Variants in ZDHHC8 observed in about 807,000 individuals in gnomAD.
The protein encoded by ZDHHC8 is palmitoyltransferase ZDHHC8.
In ZDHHC8, 24 loss-of-function variants were observed where a neutral mutation model predicts 61.2. The ratio of observed to expected loss-of-function variants is 0.39; its 90% CI spans 0.28 to 0.55. ZDHHC8 has a LOEUF of 0.55. ZDHHC8 is among the 20% of genes least tolerant of loss of function. The probability of loss-of-function intolerance (pLI) is 0.60; values close to 1 mark genes in which losing one functional copy is unlikely to be tolerated. For missense variants in ZDHHC8, 935 were observed against 1,102.1 expected (o/e 0.85, Z 2.15); for synonymous variants, 523 against 492.5 (o/e 1.06, Z -0.82).
Position 20,146,298 on chromosome 22 carries a change from G to T in ZDHHC8, c.*898G>T. The T allele has an allele frequency of 1.0e-6, 1 of 985,622 alleles. No homozygotes were observed. The highest frequency in any genetic ancestry group is 1.2e-6 in the Non-Finnish European group (1 of 829,940). The allele number at this position is 985,622 out of a possible 1,614,324, so 61.1% of individuals were successfully genotyped here. ...GCCCCGGCCTGGCTGCGGTGCTCGCGCCGTGGGAAAGCACACTGGGGAGGG... is the reference window on the plus strand; with the variant it reads ...GCCCCGGCCTGGCTGCGGTGCTCGCTCCGTGGGAAAGCACACTGGGGAGGG... On this transcript the variant is annotated 3_prime_UTR_variant, in exon 11 of 11. Transcript: ENST00000334554.
Position 20,143,495 on chromosome 22 carries a change from C to T in ZDHHC8, c.1865C>T (p.Pro622Leu), listed in dbSNP as rs199703022. ...AGPGFGGARN[P>L]ALQTSLSSLS... ...CCCGGCTTCGGTGGCGCCCGCAACC[C>T]TGCCCTGCAGACGTCACTGTCCTCG... The change falls in exon 10 of 11, where the codon CCT (proline) becomes CTT (leucine). Residue 622 changes from proline (P) to leucine (L), a missense_variant. Around this residue, in one of 3 missense-constraint regions of ZDHHC8, gnomAD observed 692 missense variants for 731.4 expected, o/e 0.95. Coordinates refer to ENST00000334554, the MANE Select transcript of ZDHHC8 (RefSeq NM_013373.4). 2.7e-5 allele frequency: 43 copies of T among 1,600,970 alleles called. No homozygotes were observed. Among genetic ancestry groups the T allele is most frequent in the African/African-American group, 4.0e-5 (3 of 75,022 alleles).
At position 20,145,346 on chromosome 22, in the gene ZDHHC8, G is replaced by A. The variant is rs575177070; in HGVS notation, c.2244G>A (p.Thr748=). Residue 748 remains threonine, a synonymous_variant, in exon 11 of 11, where the codon ACG becomes ACA. Coordinates refer to ENST00000334554, the MANE Select transcript of ZDHHC8 (RefSeq NM_013373.4). The part of the protein sequence containing the change: ...PGPSASPTRH[T]LVKKVSGVGG... ...CCTCTGCCAGCCCTACACGGCACAC[G>A]CTGGTTAAGAAGGTGTCCGGCGTGG... is the stretch of plus-strand genomic sequence containing the variant. 6 of 1,590,518 alleles carry A rather than the reference G, an allele frequency of 3.8e-6. No individual in the cohort carries two copies. The highest frequency in any genetic ancestry group is 2.7e-5 in the African/African-American group (2 of 73,560).
At position 20,146,001 on chromosome 22, in the gene ZDHHC8, G is replaced by A. The variant is rs2050518948; in HGVS notation, c.*601G>A. On this transcript the variant is annotated 3_prime_UTR_variant, in exon 11 of 11. Transcript: ENST00000334554. ...TGGACAGACGGCCAGCCAGCCAGCT[G>A]TGGCCGGGGGCCCGGCTCCATGTGT... The A allele has an allele frequency of 2.0e-6, 2 of 985,764 alleles. No homozygotes were observed. Among genetic ancestry groups the A allele is most frequent in the South Asian group, 4.7e-5 (1 of 21,300 alleles). The allele number at this position is 985,764 out of a possible 1,614,324, so 61.1% of individuals were successfully genotyped here. A position where few individuals can be genotyped will look rare whatever the true frequency, so the allele number is the denominator to read the frequency against.
intron 1 of ZDHHC8, among the ~76,000 whole-genome samples, chr22:20,136,423 C>T (rs992030925): frequency 3.3e-5 from 5 of 152,338 alleles, no homozygotes; most frequent in East Asian, 3.9e-4. Context: ...TGTGTCCTCC[C>T]GTGTTCTTGC....
chr22:20,146,186 G>T lies in ZDHHC8; in HGVS notation c.*786G>T. ...CACGGGGGTGATGCTGCCACAGGGG[G>T]CTGGTGACACCCAGAGCCCCCTCCC... is the stretch of plus-strand genomic sequence containing the variant. On this transcript the variant is annotated 3_prime_UTR_variant, in exon 11 of 11. Transcript: ENST00000334554. The T allele has an allele frequency of 2.0e-6, 2 of 985,674 alleles. No individual in the cohort carries two copies. The highest frequency in any genetic ancestry group is 2.4e-6 in the Non-Finnish European group (2 of 829,956). The allele number at this position is 985,674 out of a possible 1,614,324, so 61.1% of individuals were successfully genotyped here.
rs909407249 is a variant in ZDHHC8, at chr22:20,142,631, C to T, written c.1126-125C>T. On this transcript the variant is annotated intron_variant, in intron 9 of 10. Transcript: ENST00000334554. Reference sequence around the variant, plus strand: ...GACAGGGCCATGGGTCACTATGTGGCTCTTATGGCTCCTTGAGGCCCAGTT... The same window carrying T: ...GACAGGGCCATGGGTCACTATGTGGTTCTTATGGCTCCTTGAGGCCCAGTT... 30 of 1,277,364 alleles carry T rather than the reference C, an allele frequency of 2.3e-5. No homozygotes were observed. In the South Asian group the frequency reaches 3.4e-4, roughly 14 times the overall value. 79.1% of individuals were successfully genotyped at this position (1,277,364 alleles called of 1,614,324 possible). A position where few individuals can be genotyped will look rare whatever the true frequency, so the allele number is the denominator to read the frequency against.
chr22:20,140,095 C>T lies in ZDHHC8; in HGVS notation c.558-20C>T, dbSNP rs938832850. ...GGGTCTGCGGTGTCCTGGCCTGCAC[C>T]GTTGGCCTTAACGGGCTAGCATGGC... On this transcript the variant is annotated intron_variant, in intron 4 of 10. Transcript: ENST00000334554. The T allele has an allele frequency of 2.0e-5, 32 of 1,612,810 alleles. No individual in the cohort carries two copies. The highest frequency in any genetic ancestry group is 2.5e-5 in the Non-Finnish European group (29 of 1,179,480).
chr22:20,145,276 C>T lies in ZDHHC8; in HGVS notation c.2174C>T (p.Ser725Phe). The change falls in exon 11 of 11, where the codon TCC becomes TTC. Residue 725 changes from serine to phenylalanine, a missense_variant. Physicochemically the swap from Ser to Phe is radical, Grantham distance 155. This residue lies in a region of ZDHHC8 where 692 missense variants were observed against 731.4 expected (regional missense o/e 0.95). Coordinates refer to ENST00000334554, the MANE Select transcript of ZDHHC8 (RefSeq NM_013373.4). ...KTPPSKLNGQ[S>F]PGLARLGPAT... ...CCCCCAAGTAAGCTTAATGGGCAGT[C>T]CCCGGGCCTGGCCCGGCTGGGACCT... 6.4e-7 allele frequency: 1 copy of T among 1,571,844 alleles called. No homozygotes were observed. The highest frequency in any genetic ancestry group is 8.6e-7 in the Non-Finnish European group (1 of 1,160,168).
rs115334883 is a variant in ZDHHC8, at chr22:20,141,823, A to G, written c.1125+293A>G. ...CAGGCTTGGCGTCTGTCCCTTGGCC[A>G]GCATTGCCCTAGGCCAGGTGGGCGG... On this transcript the variant is annotated intron_variant, in intron 9 of 10. Transcript: ENST00000334554. Among the ~76,000 whole-genome samples, 453 of 152,300 alleles carry G rather than the reference A, an allele frequency of 3.0e-3. 3 individuals are homozygous for G. The highest frequency in any genetic ancestry group is 0.011 in the African/African-American group (441 of 41,570).
Position 20,147,002 on chromosome 22 carries a change from C to T in ZDHHC8, c.*1602C>T, listed in dbSNP as rs11705346. On this transcript the variant is annotated 3_prime_UTR_variant, in exon 11 of 11. Coordinates refer to ENST00000334554, the MANE Select transcript of ZDHHC8 (RefSeq NM_013373.4). ...CCTCCACCTTTCTGCTTCTCTCTCA[C>T]GGACGCCGCGGCCCGCAGGGGGCGG... 0.16 allele frequency: 222,904 copies of T among 1,397,598 alleles called. 19,279 individuals are homozygous for T. Among genetic ancestry groups the T allele is most frequent in the Middle Eastern group, 0.18 (722 of 3,948 alleles). 86.6% of individuals were successfully genotyped at this position (1,397,598 alleles called of 1,614,324 possible). A position where few individuals can be genotyped will look rare whatever the true frequency, so the allele number is the denominator to read the frequency against.
chr22:20,132,146 C>A, intron 1 of ZDHHC8, 95 bp downstream of exon 1: 1 of 802,526 alleles, frequency 1.2e-6, no homozygotes. Context: ...GCTGGCGGGG[C>A]CCCGGGCAGT....
chr22:20,142,977 G>T lies in ZDHHC8; in HGVS notation c.1347G>T (p.Gln449His), dbSNP rs763852290. The change falls in exon 10 of 11, where the codon CAG (glutamine) becomes CAT (histidine). Residue 449 changes from glutamine (Q) to histidine (H), a missense_variant. Physicochemically the swap from Gln to His is conservative, Grantham distance 24. Transcript: ENST00000334554. ...GGGGCGGGGATCATGTGGCCCTGCA[G>T]CCCCTGCGCTCTGAGGGGGGGCCCC... ...SRRGGDHVAL[Q>H]PLRSEGGPPT... 11 of 1,604,470 alleles carry T rather than the reference G, an allele frequency of 6.9e-6. No individual in the cohort carries two copies. In the African/African-American group the frequency reaches 1.2e-4, roughly 18 times the overall value.
At position 20,140,656 on chromosome 22, in the gene ZDHHC8, C is replaced by G. The variant is rs1330047106; in HGVS notation, c.700C>G (p.Arg234Gly). ...CCGCGGGGGTGTGAACCCTTTCACC[C>G]GAGGCTGCTGTGGGAATGTGGAGCA... ...KFRGGVNPFT[R>G]GCCGNVEHVL... is the part of the protein sequence containing the mutation. The change falls in exon 6 of 11, where the codon CGA becomes GGA. Residue 234 changes from arginine to glycine, a missense_variant. Arg to Gly is a moderately radical substitution (Grantham distance 125). Transcript: ENST00000334554. The G allele has an allele frequency of 6.2e-7, 1 of 1,611,628 alleles. No homozygotes were observed. The highest frequency in any genetic ancestry group is 1.3e-5 in the African/African-American group (1 of 74,930).
chr22:20,132,634 C>T (rs559092108), intron 1 of ZDHHC8, among the ~76,000 whole-genome samples: 1 of 152,342 alleles, frequency 6.6e-6, no homozygotes, highest in East Asian at 1.9e-4. Flanking sequence ...CCAGGCCAGG[C>T]CACACCCAGG....
In ZDHHC8 at chr22:20,141,327, A is replaced by C. The variant is rs772945335; in HGVS notation, c.1005A>C (p.Pro335=). 1 of 1,612,420 alleles carries C rather than the reference A, an allele frequency of 6.2e-7. No homozygotes were observed. The highest frequency in any genetic ancestry group is 1.7e-5 in the Admixed American group (1 of 59,960). Residue 335 remains proline, a synonymous_variant, in exon 8 of 11, where the codon CCA becomes CCC. Transcript: ENST00000334554. ...GCAGTGACCTGCAGACCCCGCGCCC[A>C]GGCAGTGCTGGTGAGGTTGGGGCAG... The part of the protein sequence containing the change: ...TFSSDLQTPR[P]GSAESALSVQ...
chr22:20,139,642 G>A lies in ZDHHC8; in HGVS notation c.384+7G>A, dbSNP rs367967181. The A allele has an allele frequency of 1.2e-5, 19 of 1,612,026 alleles. No homozygotes were observed. Among genetic ancestry groups the A allele is most frequent in the Non-Finnish European group, 1.4e-5 (16 of 1,179,778 alleles). On this transcript the variant is annotated splice_region_variant and intron_variant, in intron 3 of 10. Coordinates refer to ENST00000334554, the MANE Select transcript of ZDHHC8 (RefSeq NM_013373.4). ...CTGTGACAACTGTGTAGAGGTGACC[G>A]CCCTGCTGCCCCGCGCTCCCCCAGC...
intron 1 of ZDHHC8, among the ~76,000 whole-genome samples, chr22:20,137,121 C>A (rs749989844): frequency 6.6e-6 from 1 of 152,226 alleles, no homozygotes; most frequent in Non-Finnish European, 1.5e-5. Context: ...GGATTAGGGC[C>A]CATATGGGCC....
intron 10 of ZDHHC8, among the ~76,000 whole-genome samples, chr22:20,144,148 C>T (rs1235564897): frequency 1.3e-5 from 2 of 152,148 alleles, no homozygotes; most frequent in Non-Finnish European, 2.9e-5. Context: ...ACCCAGGGCT[C>T]TCCCTGGGCC....
chr22:20,140,464 A>G lies in ZDHHC8; in HGVS notation c.661-153A>G, dbSNP rs376605582. On this transcript the variant is annotated intron_variant, in intron 5 of 10. Coordinates refer to ENST00000334554, the MANE Select transcript of ZDHHC8 (RefSeq NM_013373.4). ...AGCTCCCTGCAAGTTCAGGCTGGGT[A>G]ACCTATGTGAGGGGCAGCCCTGGGC... The G allele has an allele frequency of 2.5e-4, 214 of 868,734 alleles. 1 individual carries two copies. In the East Asian group the frequency reaches 5.0e-3, roughly 20 times the overall value. The allele number at this position is 868,734 out of a possible 1,614,324, so 53.8% of individuals were successfully genotyped here.
Sources: gnomAD v4.1 joint callset for allele counts (sites outside exome capture counted in the v4.1 genomes callset) on GRCh38, gnomAD v4.1.1 for gene constraint, gnomAD v4.1.1 regional missense constraint, MANE v1.5 for transcripts, NCBI Gene and HGNC (gene_info 2026-07-23, HGNC 2026-07-21) for gene names.